The following PTPRD variants were observed in gnomAD, a reference collection of about 807,000 sequenced individuals.
PTPRD encodes protein tyrosine phosphatase receptor type D.
PTPRD carries 34 observed loss-of-function variants against 214.5 expected under a neutral mutation model. That is an observed-to-expected ratio of 0.16 (90% CI 0.12 to 0.21). PTPRD has a LOEUF of 0.21. PTPRD is among the 10% of genes least tolerant of loss of function. The probability of loss-of-function intolerance (pLI) is 1.00; values close to 1 mark genes in which losing one functional copy is unlikely to be tolerated. For synonymous variants in PTPRD, 1,128 were observed against 845.7 expected (o/e 1.33, Z -5.79); for missense variants, 2,545 against 2,398.7 (o/e 1.06, Z -1.27).
intron 7 of PTPRD, among the ~76,000 whole-genome samples, chr9:9,576,549 T>C (rs1484550433): frequency 1.3e-5 from 2 of 152,198 alleles, no homozygotes; most frequent in African/African-American, 4.8e-5. Flanking sequence ...GCTCGTACTT[T>C]AAAAAGTCAA....
chr9:9,593,319 T>C (rs1445883956), intron 7 of PTPRD, among the ~76,000 whole-genome samples: 1 of 151,838 alleles, frequency 6.6e-6, no homozygotes, highest in Non-Finnish European at 1.5e-5. Context: ...TTTGCTTGCT[T>C]TTCTTTATTG....
At chr9:10,534,532 A>G (rs2058981699) in intron 2 of PTPRD, among the ~76,000 whole-genome samples, 2 of 152,092 alleles carry the variant, frequency 1.3e-5, no homozygotes, top group South Asian at 4.1e-4. Flanking sequence ...TTTATAGCCC[A>G]TTAACATAAA....
intron 2 of PTPRD, among the ~76,000 whole-genome samples, chr9:10,607,603 A>G (rs145697694): frequency 2.6e-5 from 4 of 151,906 alleles, no homozygotes; most frequent in Non-Finnish European, 5.9e-5. Context: ...TAAAATGTAC[A>G]TTTCATAGAG....
chr9:9,488,346 A>G (rs1003842437), intron 8 of PTPRD, among the ~76,000 whole-genome samples: 3 of 152,110 alleles, frequency 2.0e-5, no homozygotes, highest in Non-Finnish European at 2.9e-5. Flanking sequence ...GCTTTTCATC[A>G]AGAGGCCTAA....
chr9:8,724,652 G>C (rs138946581), intron 12 of PTPRD, among the ~76,000 whole-genome samples: 1 of 152,224 alleles, frequency 6.6e-6, no homozygotes, highest in African/African-American at 2.4e-5. Flanking sequence ...CACTTAGCCA[G>C]GCTCATTTAT....
Position 8,449,815 on chromosome 9 carries a change from T to G in PTPRD, c.3898A>C (p.Arg1300=). 1 of 1,614,066 alleles carries G rather than the reference T, an allele frequency of 6.2e-7. No homozygotes were observed. Among genetic ancestry groups the G allele is most frequent in the Admixed American group, 1.7e-5 (1 of 60,012 alleles). ...YKRKRAESDS[R]KSSIPNNKEI... is the part of the protein sequence containing the mutation. The stretch of plus-strand genomic sequence containing the variant: ...TTATTGTTCGGTATGCTGCTTTTTC[T>G]AGAGTCGGACTCTGCCCTCTTCCTA... The change falls in exon 34 of 46, where the codon AGA becomes CGA. Residue 1300 remains arginine (R), a synonymous_variant. Transcript: ENST00000381196.
At position 9,513,106 on chromosome 9, in the gene PTPRD, A is replaced by G. The variant is rs553367875; in HGVS notation, c.-237+61626T>C. On this transcript the variant is annotated intron_variant, in intron 8 of 45. Transcript: ENST00000381196. Reference sequence around the variant, plus strand: ...AGAGGGACTCATCTTCTAACCCACTAAAATAACAAGATAGTATATGTCTGA... The same window carrying G: ...AGAGGGACTCATCTTCTAACCCACTGAAATAACAAGATAGTATATGTCTGA... 5.3e-5 allele frequency among the ~76,000 whole-genome samples: 8 copies of G among 152,012 alleles called. No homozygotes were observed. The East Asian group carries it at 1.6e-3, about 29-fold the overall frequency.
intron 11 of PTPRD, among the ~76,000 whole-genome samples, chr9:8,813,883 T>C (rs938359887): frequency 6.6e-6 from 1 of 152,236 alleles, no homozygotes; most frequent in African/African-American, 2.4e-5. Context: ...AGAAGTCTTC[T>C]TTGGTCCTGG....
At chr9:8,628,066 G>A (rs970703856) in intron 14 of PTPRD, among the ~76,000 whole-genome samples, 73 of 151,846 alleles carry the variant, frequency 4.8e-4, no homozygotes, top group African/African-American at 1.7e-3. Context: ...CCTTCCTTTT[G>A]TTTCAGTCTT....
At chr9:9,593,298 CTT>C (rs572857031) in intron 7 of PTPRD, among the ~76,000 whole-genome samples, 4 of 137,132 alleles carry the variant, frequency 2.9e-5, no homozygotes, top group Non-Finnish European at 3.2e-5. Context: ...GGAAACTTAA[CTT>C]TTTTTTTTTT....
intron 9 of PTPRD, among the ~76,000 whole-genome samples, chr9:9,262,641 A>G (rs2099980643): frequency 6.6e-6 from 1 of 151,680 alleles, no homozygotes; most frequent in East Asian, 2.0e-4. Context: ...CCTTACTATC[A>G]TCATTCACTT....
At chr9:10,195,455 C>T (rs750108918) in intron 3 of PTPRD, among the ~76,000 whole-genome samples, 11 of 152,048 alleles carry the variant, frequency 7.2e-5, no homozygotes, top group Non-Finnish European at 1.3e-4. Context: ...TGTTTTCTGG[C>T]CAATGAGATG....
chr9:9,418,591 T>C (rs912347948), intron 8 of PTPRD, among the ~76,000 whole-genome samples: 3 of 152,020 alleles, frequency 2.0e-5, no homozygotes, highest in Non-Finnish European at 4.4e-5. Context: ...AAAATGGCCA[T>C]GCTATTACCT....
intron 5 of PTPRD, among the ~76,000 whole-genome samples, chr9:9,906,958 GA>G (rs1379726641): frequency 3.3e-5 from 5 of 151,868 alleles, no homozygotes; most frequent in African/African-American, 1.2e-4. Flanking sequence ...TGACAAAAGT[GA>G]AAAAGCACCA....
At chr9:8,715,355 C>T (rs2098419773) in intron 12 of PTPRD, among the ~76,000 whole-genome samples, 1 of 152,144 alleles carries the variant, frequency 6.6e-6, no homozygotes, top group African/African-American at 2.4e-5. Context: ...CTAAGATTAG[C>T]CTGGAAGCTA....
intron 2 of PTPRD, among the ~76,000 whole-genome samples, chr9:10,537,322 C>A (rs1392546575): frequency 1.3e-5 from 2 of 152,100 alleles, no homozygotes; most frequent in African/African-American, 4.8e-5. Flanking sequence ...AGCCTTAATT[C>A]CAAATTCTGT....
intron 9 of PTPRD, among the ~76,000 whole-genome samples, chr9:9,336,799 T>C (rs1269786402): frequency 6.6e-6 from 1 of 152,206 alleles, no homozygotes; most frequent in East Asian, 1.9e-4. Context: ...TGTCATAAAT[T>C]ATGATTATTA....
intron 8 of PTPRD, among the ~76,000 whole-genome samples, chr9:9,428,574 C>G (rs924981720): frequency 6.6e-6 from 1 of 152,192 alleles, no homozygotes; most frequent in Admixed American, 6.5e-5. Context: ...CTACAGAACT[C>G]TCCACCCCAA....
rs372064971 is a variant in PTPRD, at chr9:10,361,563, C to T, written c.-599-20546G>A. Among the ~76,000 whole-genome samples, 183 of 152,108 alleles carry T rather than the reference C, an allele frequency of 1.2e-3. 1 individual carries two copies. The highest frequency in any genetic ancestry group is 4.1e-3 in the African/African-American group (171 of 41,500). ...TGTATACAGTTGTGTCTACTATACA[C>T]CCGAAATAAGCATTCAAAATGCACA... On this transcript the variant is annotated intron_variant, in intron 2 of 45. Coordinates refer to ENST00000381196, the MANE Select transcript of PTPRD (RefSeq NM_002839.4).
Sources: gnomAD v4.1 joint callset for allele counts (sites outside exome capture counted in the v4.1 genomes callset) on GRCh38, gnomAD v4.1.1 for gene constraint, MANE v1.5 for transcripts, NCBI Gene and HGNC (gene_info 2026-07-23, HGNC 2026-07-21) for gene names.